CLMN: variants seen among roughly 807,000 people sequenced by gnomAD.
CLMN encodes calmin (calponin-like, transmembrane).
CLMN carries 57 observed loss-of-function variants against 92.7 expected under a neutral mutation model. That is an observed-to-expected ratio of 0.61 (90% CI 0.50 to 0.77). The LOEUF (loss-of-function observed/expected upper bound fraction) is 0.77. Among genes scored for constraint, CLMN ranks in the 30% least tolerant of loss-of-function variants. The probability of loss-of-function intolerance (pLI) is 0.00; values close to 1 mark genes in which losing one functional copy is unlikely to be tolerated. For missense variants in CLMN, 1,158 were observed against 1,237.5 expected (o/e 0.94, Z 0.96); for synonymous variants, 466 against 470.6 (o/e 0.99, Z 0.13).
At position 95,256,799 on chromosome 14, in the gene CLMN, CAGG is replaced by C. The variant is rs1899017533; in HGVS notation, c.83-26669_83-26667del. Among the ~76,000 whole-genome samples the C allele has an allele frequency of 1.3e-5, 2 of 152,154 alleles. No homozygotes were observed. The highest frequency in any genetic ancestry group is 2.9e-5 in the Non-Finnish European group (2 of 68,034). On this transcript the variant is annotated intron_variant, in intron 1 of 12. Transcript: ENST00000298912. The surrounding 1 kb of genome is among the most constrained non-coding windows in gnomAD (Gnocchi z 4.9). ...ACAGACATGGGGAAACTGGGGATGGCAGGAGAAGAGCTGTCAGTGGACAGGGCC... is the reference window on the plus strand; with the variant it reads ...ACAGACATGGGGAAACTGGGGATGGCAGAAGAGCTGTCAGTGGACAGGGCC...
At chr14:95,202,753 A>G in intron 9 of CLMN, 85 bp downstream of exon 9, 1 of 1,387,104 alleles carries the variant, frequency 7.2e-7, no homozygotes, top group Non-Finnish European at 9.7e-7. Flanking sequence ...TCGCTATTTT[A>G]TGGAGCAAGA....
intron 1 of CLMN, among the ~76,000 whole-genome samples, chr14:95,298,907 T>C (rs936019205): frequency 8.3e-4 from 127 of 152,230 alleles, no homozygotes; most frequent in African/African-American, 2.9e-3. Context: ...CTAAGGCATC[T>C]TTGCAAGCAA....
intron 1 of CLMN, among the ~76,000 whole-genome samples, chr14:95,300,207 T>C (rs1271876138): frequency 6.6e-6 from 1 of 152,204 alleles, no homozygotes; most frequent in East Asian, 1.9e-4. Flanking sequence ...GACCACATCC[T>C]GCCCCCAAAG....
intron 1 of CLMN, among the ~76,000 whole-genome samples, chr14:95,246,395 G>A (rs1210609509): frequency 2.6e-5 from 4 of 152,150 alleles, no homozygotes. Context: ...CTCTCCTTTT[G>A]CCACTTAATG....
intron 1 of CLMN, among the ~76,000 whole-genome samples, chr14:95,265,724 C>T (rs1364299006): frequency 6.6e-6 from 1 of 152,236 alleles, no homozygotes; most frequent in Admixed American, 6.5e-5. Context: ...ACAAGGCATT[C>T]TTTTCATGCT....
At chr14:95,273,078 T>A (rs1183604755) in intron 1 of CLMN, among the ~76,000 whole-genome samples, 5 of 152,204 alleles carry the variant, frequency 3.3e-5, no homozygotes, top group African/African-American at 9.6e-5. Flanking sequence ...CCCTACACAC[T>A]ATTTAGCATG....
At chr14:95,319,303 TCACACACACACACACACA>T (rs60670197) in intron 1 of CLMN, among the ~76,000 whole-genome samples, 3 of 144,108 alleles carry the variant, frequency 2.1e-5, no homozygotes. Context: ...GTGCGCGAAC[TCACACACACACACACACA>T]CACACACACA....
At chr14:95,284,166 A>G (rs778717121) in intron 1 of CLMN, among the ~76,000 whole-genome samples, 4 of 152,226 alleles carry the variant, frequency 2.6e-5, no homozygotes, top group Non-Finnish European at 5.9e-5. Context: ...GAAAGCCCCA[A>G]GCCTTGGGAG....
chr14:95,240,182 G>C (rs1170371980), intron 1 of CLMN, among the ~76,000 whole-genome samples: 1 of 152,234 alleles, frequency 6.6e-6, no homozygotes, highest in Non-Finnish European at 1.5e-5. Flanking sequence ...ATGTATTCCT[G>C]TTGTGAAGCG....
chr14:95,281,505 G>GT (rs1242563317), intron 1 of CLMN, among the ~76,000 whole-genome samples: 3 of 152,296 alleles, frequency 2.0e-5, no homozygotes, highest in South Asian at 4.1e-4. Context: ...TTGTTTTTGA[G>GT]TTTTTTCTGC....
chr14:95,225,861 A>G (rs540555374), intron 2 of CLMN, among the ~76,000 whole-genome samples: 1 of 152,308 alleles, frequency 6.6e-6, no homozygotes, highest in South Asian at 2.1e-4. Flanking sequence ...CTGCTGTCCA[A>G]GTGAACTGAC....
intron 1 of CLMN, among the ~76,000 whole-genome samples, chr14:95,299,964 G>A (rs563572192): frequency 2.0e-5 from 3 of 152,338 alleles, no homozygotes; most frequent in Admixed American, 6.5e-5. Flanking sequence ...GTTGACCAAG[G>A]GCAATAAAAT....
At chr14:95,263,092 T>A (rs1172945818) in intron 1 of CLMN, among the ~76,000 whole-genome samples, 1 of 152,186 alleles carries the variant, frequency 6.6e-6, no homozygotes, top group East Asian at 1.9e-4. Flanking sequence ...ATGCTGCTAA[T>A]AAAGACATAC....
chr14:95,268,255 C>A (rs1899555166), intron 1 of CLMN, among the ~76,000 whole-genome samples: 1 of 151,436 alleles, frequency 6.6e-6, no homozygotes, highest in Admixed American at 6.6e-5. Context: ...ATGAATATAT[C>A]AAAATATTGC....
At chr14:95,247,327 T>C (rs1898609665) in intron 1 of CLMN, among the ~76,000 whole-genome samples, 1 of 152,224 alleles carries the variant, frequency 6.6e-6, no homozygotes, top group South Asian at 2.1e-4. Flanking sequence ...GAGCAGCAGA[T>C]GTACACATGC....
chr14:95,208,179 G>A (rs1252588426), intron 8 of CLMN, among the ~76,000 whole-genome samples: 4 of 152,066 alleles, frequency 2.6e-5, no homozygotes, highest in African/African-American at 4.8e-5. Context: ...CCCAAGTTAC[G>A]TTTTTGCTCA....
At position 95,228,475 on chromosome 14, in the gene CLMN, AGTGGAGG is replaced by A. The variant is rs1340418088; in HGVS notation, c.144+1590_144+1596del. On this transcript the variant is annotated intron_variant, in intron 2 of 12. Coordinates refer to ENST00000298912, the MANE Select transcript of CLMN (RefSeq NM_024734.4). Reference sequence around the variant, plus strand: ...TGCGTCACATGTTCTACACGTCAGGAGTGGAGGTGTGGGTGGCCGAATGCCTGCTCGG... The same window carrying A: ...TGCGTCACATGTTCTACACGTCAGGATGTGGGTGGCCGAATGCCTGCTCGG... 5.9e-5 allele frequency among the ~76,000 whole-genome samples: 9 copies of A among 152,304 alleles called. No individual in the cohort carries two copies. In the East Asian group the frequency reaches 1.7e-3, roughly 29 times the overall value.
At chr14:95,302,170 T>G (rs1032940897) in intron 1 of CLMN, among the ~76,000 whole-genome samples, 7 of 152,106 alleles carry the variant, frequency 4.6e-5, no homozygotes, top group East Asian at 1.9e-4. Context: ...CATGGTGGTG[T>G]GCACCTGTAA....
In CLMN at chr14:95,221,714, G is replaced by A. The variant is rs762478958; in HGVS notation, c.301C>T (p.Leu101Phe). Residue 101 changes from leucine to phenylalanine, a missense_variant, in exon 4 of 13, where the codon CTT (leucine) becomes TTT (phenylalanine). Leu to Phe is a conservative substitution (Grantham distance 22, BLOSUM62 0). Transcript: ENST00000298912. ...ACATTGCTATCTTCCAAAAACTTAA[G>A]TGCTTTCGCTATGTTGTTCAACCGA... ...IFRLNNIAKA[L>F]KFLEDSNVKL... 1.2e-6 allele frequency: 2 copies of A among 1,614,096 alleles called. No homozygotes were observed. The highest frequency in any genetic ancestry group is 2.2e-5 in the South Asian group (2 of 91,066).
Sources: gnomAD v4.1 joint callset for allele counts (sites outside exome capture counted in the v4.1 genomes callset) on GRCh38, gnomAD v4.1.1 for gene constraint, Gnocchi (gnomAD v3.1) non-coding constraint, MANE v1.5 for transcripts, NCBI Gene and HGNC (gene_info 2026-07-23, HGNC 2026-07-21) for gene names.